The following SGMS2 variants were observed in gnomAD, a reference collection of about 807,000 sequenced individuals.
The protein encoded by SGMS2 is sphingomyelin synthase 2, also known as phosphatidylcholine:ceramide cholinephosphotransferase 2.
SGMS2 carries 21 observed loss-of-function variants against 43.8 expected under a neutral mutation model. The ratio of observed to expected loss-of-function variants is 0.48; its 90% CI spans 0.34 to 0.69. SGMS2 has a LOEUF of 0.69. SGMS2 is among the 30% of genes least tolerant of loss of function. The pLI, the probability that SGMS2 is intolerant of heterozygous loss-of-function variation, is 0.01. For missense variants in SGMS2, 384 were observed against 443.2 expected (o/e 0.87, Z 1.20); for synonymous variants, 167 against 160.6 (o/e 1.04, Z -0.30).
intron 2 of SGMS2, among the ~76,000 whole-genome samples, chr4:107,888,499 TAAAC>T (rs1246297288): frequency 6.6e-6 from 1 of 152,134 alleles, no homozygotes; most frequent in Non-Finnish European, 1.5e-5. Flanking sequence ...CCCTCTTTCT[TAAAC>T]AACCAGTCAT....
intron 1 of SGMS2, among the ~76,000 whole-genome samples, chr4:107,830,322 A>G (rs1411333560): frequency 6.6e-6 from 1 of 152,164 alleles, no homozygotes; most frequent in Non-Finnish European, 1.5e-5. Context: ...GCTATTGTGA[A>G]TAGAGCTGCG....
At chr4:107,863,911 C>T (rs1727930467) in intron 2 of SGMS2, 1 of 152,186 alleles carries the variant, frequency 6.6e-6, no homozygotes, top group African/African-American at 2.4e-5. Flanking sequence ...TAAGATAATT[C>T]TGGTGTCTTT....
At chr4:107,862,336 T>G (rs1337722967) in intron 2 of SGMS2, among the ~76,000 whole-genome samples, 3 of 152,204 alleles carry the variant, frequency 2.0e-5, no homozygotes, top group Non-Finnish European at 4.4e-5. Context: ...ATATTTGTAT[T>G]TATGACGGTA....
chr4:107,901,549 C>A (rs1270070685), intron 4 of SGMS2, among the ~76,000 whole-genome samples: 1 of 152,194 alleles, frequency 6.6e-6, no homozygotes, highest in Non-Finnish European at 1.5e-5. Context: ...TTGTAACTCA[C>A]CAGACATGCT....
chr4:107,854,380 TTC>T (rs141973052), intron 1 of SGMS2, among the ~76,000 whole-genome samples: 4,184 of 152,300 alleles, frequency 0.027, 138 homozygotes, highest in East Asian at 0.1. Context: ...TTCATAAAAG[TTC>T]TGTGTTTAAC....
chr4:107,911,325 G>A lies in SGMS2; in HGVS notation c.*772G>A, dbSNP rs1298407461. Reference sequence around the variant, plus strand: ...TGGTTTCTGCTAATGAGTGGCCCTTGAGTACACACTTAGATGCTGTCTGCC... The same window carrying A: ...TGGTTTCTGCTAATGAGTGGCCCTTAAGTACACACTTAGATGCTGTCTGCC... On this transcript the variant is annotated 3_prime_UTR_variant, in exon 7 of 7. Transcript: ENST00000690982. 6.6e-6 allele frequency: 1 copy of A among 152,208 alleles called. No individual in the cohort carries two copies. Among genetic ancestry groups the A allele is most frequent in the Non-Finnish European group, 1.5e-5 (1 of 68,048 alleles). 9.4% of individuals were successfully genotyped at this position (152,208 alleles called of 1,614,324 possible).
At position 107,895,523 on chromosome 4, in the gene SGMS2, ATC is replaced by A. The variant is rs762688604; in HGVS notation, c.-28_-27del. The A allele has an allele frequency of 1.1e-5, 17 of 1,573,892 alleles. No individual in the cohort carries two copies. The highest frequency in any genetic ancestry group is 8.6e-7 in the Non-Finnish European group (1 of 1,160,496). On this transcript the variant is annotated 5_prime_UTR_variant, in exon 3 of 7. Coordinates refer to ENST00000690982, the MANE Select transcript of SGMS2 (RefSeq NM_001375905.1). ...TTCCACAAAGAACAAGAACTTGACC[ATC>A]TCCTTTTTGATCTGAAGACTAGGGG...
chr4:107,848,089 A>G (rs991979593), intron 1 of SGMS2, among the ~76,000 whole-genome samples: 13 of 151,866 alleles, frequency 8.6e-5, no homozygotes, highest in East Asian at 1.9e-4. Context: ...CCAATCCTCA[A>G]CCTCTGGCAA....
chr4:107,844,057 T>A (rs1726669701), intron 1 of SGMS2, among the ~76,000 whole-genome samples: 1 of 152,182 alleles, frequency 6.6e-6, no homozygotes, highest in East Asian at 1.9e-4. Context: ...GCACGGTGGC[T>A]CACGCCTATA....
At chr4:107,835,429 T>C (rs1175597820) in intron 1 of SGMS2, among the ~76,000 whole-genome samples, 1 of 152,190 alleles carries the variant, frequency 6.6e-6, no homozygotes. Flanking sequence ...CTGGATTGAA[T>C]TCCTCTTATA....
chr4:107,844,484 A>T (rs907241831), intron 1 of SGMS2, among the ~76,000 whole-genome samples: 2 of 152,108 alleles, frequency 1.3e-5, no homozygotes, highest in African/African-American at 4.8e-5. Context: ...GAAAGATCAC[A>T]TGAGCCCAGG....
intron 1 of SGMS2, among the ~76,000 whole-genome samples, chr4:107,828,193 A>G (rs761929839): frequency 2.0e-5 from 3 of 152,190 alleles, no homozygotes; most frequent in Non-Finnish European, 4.4e-5. Context: ...TAACATTTCT[A>G]TCTGCCCCCT....
chr4:107,874,770 A>G (rs1464101472), intron 2 of SGMS2, among the ~76,000 whole-genome samples: 2 of 152,174 alleles, frequency 1.3e-5, no homozygotes, highest in Non-Finnish European at 2.9e-5. Flanking sequence ...AATTGTTTAA[A>G]TGGCATTGTT....
rs748712043 is a variant in SGMS2, at chr4:107,842,655, G to A, written c.-326-15817G>A. Among the ~76,000 whole-genome samples the A allele has an allele frequency of 2.0e-5, 3 of 152,146 alleles. 1 individual carries two copies. The highest frequency in any genetic ancestry group is 2.9e-5 in the Non-Finnish European group (2 of 68,038). Reference sequence around the variant, plus strand: ...GGTGTACACGACTTAATGACCTGTCGTGTAATTCCCATGAGTGCCTCAAAG... The same window carrying A: ...GGTGTACACGACTTAATGACCTGTCATGTAATTCCCATGAGTGCCTCAAAG... On this transcript the variant is annotated intron_variant, in intron 1 of 6. Coordinates refer to ENST00000690982, the MANE Select transcript of SGMS2 (RefSeq NM_001375905.1).
At chr4:107,899,505 G>A (rs1730943471) in intron 3 of SGMS2, 70 bp from the exon 4 acceptor site, 1 of 1,019,132 alleles carries the variant, frequency 9.8e-7, no homozygotes, top group Non-Finnish European at 1.5e-6. Context: ...GTTAAACATT[G>A]TTTTATTTTT....
intron 2 of SGMS2, among the ~76,000 whole-genome samples, chr4:107,883,246 T>C (rs1452286211): frequency 6.6e-6 from 1 of 152,202 alleles, no homozygotes; most frequent in African/African-American, 2.4e-5. Context: ...TTTTGAACTA[T>C]AACCTTTGAT....
intron 2 of SGMS2, among the ~76,000 whole-genome samples, chr4:107,889,621 A>G (rs2126105758): frequency 6.6e-6 from 1 of 152,272 alleles, no homozygotes; most frequent in Admixed American, 6.5e-5. Context: ...TAGACATGTT[A>G]GGCATGCCAA....
At chr4:107,840,482 ATC>A (rs1369271484) in intron 1 of SGMS2, among the ~76,000 whole-genome samples, 1 of 152,180 alleles carries the variant, frequency 6.6e-6, no homozygotes, top group Non-Finnish European at 1.5e-5. Context: ...TCATAGCCTC[ATC>A]TCTCTATTAG....
At chr4:107,897,154 AT>A (rs1319343489) in intron 3 of SGMS2, among the ~76,000 whole-genome samples, 2 of 152,194 alleles carry the variant, frequency 1.3e-5, no homozygotes, top group African/African-American at 4.8e-5. Context: ...CTGTTTTGTG[AT>A]TAGAGGAATT....
Sources: allele counts gnomAD v4.1 joint callset (sites outside exome capture counted in the v4.1 genomes callset), GRCh38; gene constraint gnomAD v4.1.1; transcripts MANE v1.5; gene names NCBI Gene and HGNC (gene_info 2026-07-23, HGNC 2026-07-21).